Variants in CNTNAP2 observed in about 807,000 individuals in gnomAD.
CNTNAP2 encodes the protein contactin associated protein 2, also known as contactin-associated protein-like 2.
In CNTNAP2, 98 loss-of-function variants were observed where a neutral mutation model predicts 155.2. That is an observed-to-expected ratio of 0.63 (90% CI 0.54 to 0.75). The LOEUF (loss-of-function observed/expected upper bound fraction) is 0.75. CNTNAP2 is among the 30% of genes least tolerant of loss of function. The probability of loss-of-function intolerance (pLI) is 0.00; values close to 1 mark genes in which losing one functional copy is unlikely to be tolerated. For synonymous variants in CNTNAP2, 651 were observed against 631.2 expected (o/e 1.03, Z -0.47); for missense variants, 1,727 against 1,688.1 (o/e 1.02, Z -0.40).
intron 8 of CNTNAP2, among the ~76,000 whole-genome samples, chr7:147,284,376 T>A (rs2116732346): frequency 6.6e-6 from 1 of 151,876 alleles, no homozygotes; most frequent in South Asian, 2.1e-4. Flanking sequence ...CTGCCCAAAT[T>A]CTAACCCAAC....
intron 1 of CNTNAP2, among the ~76,000 whole-genome samples, chr7:146,148,068 T>C (rs1459521757): frequency 2.0e-5 from 3 of 152,146 alleles, no homozygotes; most frequent in African/African-American, 7.2e-5. Context: ...AGTTATATTT[T>C]AAAGATACCA....
intron 13 of CNTNAP2, among the ~76,000 whole-genome samples, chr7:147,833,541 T>C (rs938618241): frequency 3.3e-5 from 5 of 152,170 alleles, no homozygotes; most frequent in Non-Finnish European, 5.9e-5. Context: ...ACTGCTGGCC[T>C]CAGCTTCTCT....
intron 1 of CNTNAP2, among the ~76,000 whole-genome samples, chr7:146,552,772 T>A (rs1418656810): frequency 2.0e-5 from 3 of 152,054 alleles, no homozygotes; most frequent in Non-Finnish European, 4.4e-5. Context: ...AGTCACATGG[T>A]CCCCTTGCTT....
intron 15 of CNTNAP2, among the ~76,000 whole-genome samples, chr7:148,013,643 A>C (rs1257900752): frequency 1.3e-5 from 2 of 152,224 alleles, no homozygotes; most frequent in South Asian, 2.1e-4. Context: ...AAAATCAATT[A>C]TTGGTGTGAG....
chr7:146,294,577 C>T (rs1266911274), intron 1 of CNTNAP2, among the ~76,000 whole-genome samples: 1 of 152,184 alleles, frequency 6.6e-6, no homozygotes, highest in African/African-American at 2.4e-5. Context: ...CAAAACATTT[C>T]TTATATAATT....
In CNTNAP2 at chr7:148,416,564, C is replaced by T. The variant is rs539859560; in HGVS notation, c.*948C>T. The T allele has an allele frequency of 2.0e-5, 3 of 152,532 alleles. No individual in the cohort carries two copies. The highest frequency in any genetic ancestry group is 7.2e-5 in the African/African-American group (3 of 41,496). 9.4% of individuals were successfully genotyped at this position (152,532 alleles called of 1,614,324 possible). ...GTTATAGCAAAAATATGGATAATTT[C>T]TAGTGAATGCATAAATTAGGTTGCG... On this transcript the variant is annotated 3_prime_UTR_variant, in exon 24 of 24. Coordinates refer to ENST00000361727, the MANE Select transcript of CNTNAP2 (RefSeq NM_014141.6).
intron 15 of CNTNAP2, among the ~76,000 whole-genome samples, chr7:148,038,573 C>A (rs766927182): frequency 6.6e-6 from 1 of 152,154 alleles, no homozygotes; most frequent in Non-Finnish European, 1.5e-5. Context: ...TGGTGAATCA[C>A]TAGAGGAAGT....
chr7:146,755,288 A>G (rs1801976640), intron 1 of CNTNAP2, among the ~76,000 whole-genome samples: 1 of 152,060 alleles, frequency 6.6e-6, no homozygotes, highest in African/African-American at 2.4e-5. Flanking sequence ...TGCAATCTAT[A>G]GGAAATTATA....
chr7:148,093,187 TAA>T (rs10553315), intron 15 of CNTNAP2, among the ~76,000 whole-genome samples: 35,680 of 145,294 alleles, frequency 0.25, 5,035 homozygotes, highest in East Asian at 0.76. Context: ...AGAGCTCTGC[TAA>T]AAAAAAAAAA....
At chr7:146,274,488 A>C (rs999913639) in intron 1 of CNTNAP2, among the ~76,000 whole-genome samples, 1 of 152,232 alleles carries the variant, frequency 6.6e-6, no homozygotes, top group African/African-American at 2.4e-5. Flanking sequence ...GAGACGGCAT[A>C]GCTACCCCGG....
At chr7:146,552,324 A>G (rs1798134550) in intron 1 of CNTNAP2, among the ~76,000 whole-genome samples, 1 of 152,132 alleles carries the variant, frequency 6.6e-6, no homozygotes, top group South Asian at 2.1e-4. Context: ...CTGACTCAAT[A>G]CAATTTCATT....
intron 10 of CNTNAP2, among the ~76,000 whole-genome samples, chr7:147,401,499 T>G (rs1319499506): frequency 6.6e-6 from 1 of 152,158 alleles, no homozygotes; most frequent in Non-Finnish European, 1.5e-5. Context: ...AACATTTAAA[T>G]GAGGATTAGG....
intron 17 of CNTNAP2, among the ~76,000 whole-genome samples, chr7:148,161,002 C>T (rs932687978): frequency 1.2e-4 from 19 of 152,156 alleles, no homozygotes; most frequent in African/African-American, 4.6e-4. Context: ...TGGAAGGTTT[C>T]TTGACCCAAT....
chr7:147,588,293 C>T (rs62481358), intron 12 of CNTNAP2, among the ~76,000 whole-genome samples: 58,956 of 151,690 alleles, frequency 0.39, 11,469 homozygotes, highest in Admixed American at 0.43. Flanking sequence ...AAGATGATCC[C>T]AGGAGAAGAT....
intron 1 of CNTNAP2, among the ~76,000 whole-genome samples, chr7:146,136,522 C>T (rs1257872819): frequency 6.6e-6 from 1 of 152,118 alleles, no homozygotes; most frequent in African/African-American, 2.4e-5. Flanking sequence ...TAAGTATAGG[C>T]ATTTCAACGT....
chr7:147,724,315 G>C (rs1796611735), intron 13 of CNTNAP2, among the ~76,000 whole-genome samples: 4 of 151,982 alleles, frequency 2.6e-5, no homozygotes, highest in African/African-American at 9.7e-5. Context: ...TAGAGTCCTA[G>C]AGGAATTATT....
intron 9 of CNTNAP2, among the ~76,000 whole-genome samples, chr7:147,325,689 T>C (rs1795441921): frequency 6.6e-6 from 1 of 152,230 alleles, no homozygotes; most frequent in Non-Finnish European, 1.5e-5. Context: ...ATGTGTTGAA[T>C]ACACAGAATG....
chr7:147,032,745 G>A (rs1162915977), intron 3 of CNTNAP2, among the ~76,000 whole-genome samples: 1 of 151,976 alleles, frequency 6.6e-6, no homozygotes, highest in African/African-American at 2.4e-5. Flanking sequence ...GAAGGAAGTT[G>A]GAGAGAAGGA....
rs117605208 is a variant in CNTNAP2 at position 146,741,859 on chromosome 7, C to T, written c.98-32412C>T. On this transcript the variant is annotated intron_variant, in intron 1 of 23. Coordinates refer to ENST00000361727, the MANE Select transcript of CNTNAP2 (RefSeq NM_014141.6). The stretch of plus-strand genomic sequence containing the variant: ...ATTGCAGCAGGAATGGAGAGGGTAC[C>T]GAAGGATGGAGCTAGAGGATAATTA... 2.8e-3 allele frequency among the ~76,000 whole-genome samples: 431 copies of T among 151,836 alleles called. 2 individuals carry two copies. Among genetic ancestry groups the T allele is most frequent in the Non-Finnish European group, 4.2e-3 (287 of 67,964 alleles).
Sources: gnomAD v4.1 joint callset for allele counts (sites outside exome capture counted in the v4.1 genomes callset) on GRCh38, gnomAD v4.1.1 for gene constraint, MANE v1.5 for transcripts, NCBI Gene and HGNC (gene_info 2026-07-23, HGNC 2026-07-21) for gene names.